PM20D2: variants seen among roughly 807,000 people sequenced by gnomAD.
The protein encoded by PM20D2 is peptidase M20 domain containing 2, also known as xaa-Arg dipeptidase.
A neutral mutation model predicts 42.9 loss-of-function variants in PM20D2; 33 were observed. That is an observed-to-expected ratio of 0.77 (90% CI 0.58 to 1.03). The LOEUF (loss-of-function observed/expected upper bound fraction) is 1.03, where lower values mean the gene tolerates loss of function less well. PM20D2 is among the 50% of genes least tolerant of loss of function. The pLI is 0.00. For synonymous variants in PM20D2, 250 were observed against 228.2 expected (o/e 1.10, Z -0.86); for missense variants, 548 against 557.0 (o/e 0.98, Z 0.16).
intron 4 of PM20D2, among the ~76,000 whole-genome samples, chr6:89,156,023 T>G (rs1412067304): frequency 6.6e-6 from 1 of 152,108 alleles, no homozygotes; most frequent in African/African-American, 2.4e-5. Context: ...TAGCTGGGAT[T>G]ACAGGCGCCT....
At chr6:89,101,531 G>C in the PM20D2 span, among the ~76,000 whole-genome samples, 1 of 152,084 alleles carries the variant, frequency 6.6e-6, no homozygotes, top group African/African-American at 2.4e-5. Context: ...AGACCAGCCT[G>C]GCCAACATGG....
chr6:89,105,762 T>C, the PM20D2 span: 5 of 277,266 alleles, frequency 1.8e-5, no homozygotes, highest in African/African-American at 1.1e-4. Flanking sequence ...AAAACAAACA[T>C]GTAACTGTAC....
At chr6:89,094,296 C>G in the PM20D2 span, among the ~76,000 whole-genome samples, 27 of 151,742 alleles carry the variant, frequency 1.8e-4, no homozygotes, top group African/African-American at 5.8e-4. Flanking sequence ...CATCTTGGTT[C>G]ACTGCAACCT....
At chr6:89,149,129 A>C in intron 1 of PM20D2, 136 bp from the exon 2 acceptor site, 1 of 1,061,572 alleles carries the variant, frequency 9.4e-7, no homozygotes, top group Non-Finnish European at 1.3e-6. Context: ...CCATTGCGTA[A>C]GCGTCATAGA....
At chr6:89,123,098 C>G in the PM20D2 span, among the ~76,000 whole-genome samples, 3 of 152,242 alleles carry the variant, frequency 2.0e-5, no homozygotes, top group African/African-American at 7.2e-5. Context: ...ACTTAGAAGG[C>G]CTGTCACTTT....
chr6:89,124,959 C>T, the PM20D2 span, among the ~76,000 whole-genome samples: 1 of 151,892 alleles, frequency 6.6e-6, no homozygotes, highest in South Asian at 2.1e-4. Flanking sequence ...GTCTCACACT[C>T]CTGGCCTCAA....
At chr6:89,133,075 TTTAA>T in the PM20D2 span, among the ~76,000 whole-genome samples, 20 of 149,342 alleles carry the variant, frequency 1.3e-4, 1 homozygote, top group Admixed American at 1.2e-3. Context: ...AATTTTTTTT[TTTAA>T]TTAGCCAGGC....
the PM20D2 span, among the ~76,000 whole-genome samples, chr6:89,129,132 A>G: frequency 6.6e-6 from 1 of 152,124 alleles, no homozygotes; most frequent in Non-Finnish European, 1.5e-5. Context: ...ACACTCATTG[A>G]GGGGTTATTC....
the PM20D2 span, among the ~76,000 whole-genome samples, chr6:89,121,700 T>C: frequency 6.6e-6 from 1 of 152,222 alleles, no homozygotes; most frequent in African/African-American, 2.4e-5. Context: ...CCAAGGAGTA[T>C]ACCACTGGCA....
chr6:89,143,063 A>G (rs1441152098), upstream of PM20D2, among the ~76,000 whole-genome samples: 2 of 151,594 alleles, frequency 1.3e-5, no homozygotes, highest in Non-Finnish European at 1.5e-5. Context: ...TCTTCATTTT[A>G]TTTTTCATTC....
At position 89,153,194 on chromosome 6, in the gene PM20D2, G is replaced by T; in HGVS notation, c.757+9G>T. ...AACCTGGAGAGTTCATGGTATGAAT[G>T]TCAAATACCTTCTATAATAGATGGT... On this transcript the variant is annotated intron_variant, in intron 3 of 6. Coordinates refer to ENST00000275072, the MANE Select transcript of PM20D2 (RefSeq NM_001010853.3). The T allele has an allele frequency of 6.4e-7, 1 of 1,574,250 alleles. No homozygotes were observed. The highest frequency in any genetic ancestry group is 1.4e-5 in the African/African-American group (1 of 73,640).
At chr6:89,122,961 A>G in the PM20D2 span, among the ~76,000 whole-genome samples, 6 of 152,234 alleles carry the variant, frequency 3.9e-5, no homozygotes, top group South Asian at 2.1e-4. Flanking sequence ...TGGAGAATCT[A>G]TGATTGTATC....
chr6:89,113,702 G>A, the PM20D2 span, among the ~76,000 whole-genome samples: 1 of 152,144 alleles, frequency 6.6e-6, no homozygotes, highest in Admixed American at 6.6e-5. Flanking sequence ...GGAGTGCAGT[G>A]GTGCCATCTT....
At chr6:89,107,341 C>A in the PM20D2 span, 3 of 1,029,212 alleles carry the variant, frequency 2.9e-6, no homozygotes, top group South Asian at 2.9e-5. Context: ...TTGAAACCTT[C>A]AAAAGAAAGA....
the PM20D2 span, among the ~76,000 whole-genome samples, chr6:89,114,617 A>G: frequency 4.6e-5 from 7 of 150,798 alleles, no homozygotes; most frequent in Admixed American, 1.3e-4. Context: ...AAAAAAAAAA[A>G]GTGAAAAAAT....
At chr6:89,128,298 T>C in the PM20D2 span, among the ~76,000 whole-genome samples, 25 of 152,298 alleles carry the variant, frequency 1.6e-4, no homozygotes, top group African/African-American at 4.8e-4. Context: ...CTCTGTCTTA[T>C]GCAGTTGAGA....
upstream of PM20D2, among the ~76,000 whole-genome samples, chr6:89,145,388 A>G (rs900846806): frequency 6.6e-6 from 1 of 152,214 alleles, no homozygotes; most frequent in Admixed American, 6.5e-5. Flanking sequence ...GTCCAAATCA[A>G]CAAAACAGTA....
chr6:89,159,991 G>A (rs574036883), intron 5 of PM20D2, among the ~76,000 whole-genome samples: 2 of 152,308 alleles, frequency 1.3e-5, no homozygotes, highest in South Asian at 4.1e-4. Context: ...TGTGATTTTG[G>A]TATGATTTGT....
At chr6:89,155,218 A>C (rs145110771) in intron 4 of PM20D2, among the ~76,000 whole-genome samples, 1 of 128,420 alleles carries the variant, frequency 7.8e-6, no homozygotes, top group African/African-American at 2.9e-5. Flanking sequence ...TGCTATATGT[A>C]GTTTCTATAA....
Sources: allele counts gnomAD v4.1 joint callset (sites outside exome capture counted in the v4.1 genomes callset), GRCh38; gene constraint gnomAD v4.1.1; transcripts MANE v1.5; gene names NCBI Gene and HGNC (gene_info 2026-07-23, HGNC 2026-07-21).